Variants in SCN10A observed in about 807,000 individuals in gnomAD.
SCN10A encodes sodium voltage-gated channel alpha subunit 10.
In SCN10A, 162 loss-of-function variants were observed where a neutral mutation model predicts 170.7. That is an observed-to-expected ratio of 0.95 (90% confidence interval 0.84 to 1.08). The LOEUF (loss-of-function observed/expected upper bound fraction) is 1.08, where lower values mean the gene tolerates loss of function less well. SCN10A is among the 50% of genes least tolerant of loss of function. The probability of loss-of-function intolerance (pLI) is 0.00; values close to 1 mark genes in which losing one functional copy is unlikely to be tolerated. For missense variants in SCN10A, 2,527 were observed against 2,436.9 expected, an observed-to-expected ratio of 1.04 and a Z score of -0.78; for synonymous variants, 985 against 904.6, an observed-to-expected ratio of 1.09 and a Z score of -1.59.
intron 7 of SCN10A, 22 bp from the exon 8 acceptor site, chr3:38,760,769 A>C (rs779590735): frequency 6.3e-7 from 1 of 1,597,748 alleles, no homozygotes; most frequent in South Asian, 1.1e-5. Context: ...AAGAAAAGAA[A>C]GCCTCACAGA....
chr3:38,701,976 A>G lies in SCN10A; in HGVS notation c.4520T>C (p.Ile1507Thr). 1.2e-6 allele frequency: 2 copies of G among 1,614,100 alleles called. No homozygotes were observed. The highest frequency in any genetic ancestry group is 1.7e-6 in the Non-Finnish European group (2 of 1,179,994). The change falls in exon 27 of 28, where the codon ATT becomes ACT. Residue 1507 changes from isoleucine (I) to threonine (T), a missense_variant. Coordinates refer to ENST00000449082, the MANE Select transcript of SCN10A (RefSeq NM_006514.4). ...AAAGAACTGGTTGATTTTGCCCAGA[A>G]TTTTCGTCTTTTCTTCACTTTGGTC... Reference protein sequence around the residue: ...TDDQSEEKTKILGKINQFFVA... With the variant: ...TDDQSEEKTKTLGKINQFFVA...
intron 13 of SCN10A, among the ~76,000 whole-genome samples, chr3:38,748,768 G>A (rs964151716): frequency 2.6e-5 from 4 of 152,064 alleles, no homozygotes; most frequent in African/African-American, 7.2e-5. Context: ...TCTAACCTAA[G>A]GTTGACCTAA....
intron 18 of SCN10A, among the ~76,000 whole-genome samples, chr3:38,724,623 AGT>A (rs2063432623): frequency 6.6e-6 from 1 of 152,220 alleles, no homozygotes; most frequent in Non-Finnish European, 1.5e-5. Flanking sequence ...GACAAAAGAA[AGT>A]GGGGGAGAAT....
At chr3:38,803,921 T>C (rs1315081825) in intron 1 of SCN10A, among the ~76,000 whole-genome samples, 14 of 152,146 alleles carry the variant, frequency 9.2e-5, no homozygotes, top group Non-Finnish European at 5.9e-5. Context: ...CTGCTAACCA[T>C]GTAGCCCAAG....
chr3:38,725,117 C>A (rs1473804413), intron 18 of SCN10A, 57 bp downstream of exon 18: 26 of 1,487,440 alleles, frequency 1.7e-5, no homozygotes, highest in Non-Finnish European at 2.4e-5. Context: ...CCTCTACCAG[C>A]CCACTGCTCA....
intron 13 of SCN10A, 63 bp from the exon 14 acceptor site, chr3:38,742,592 G>T: frequency 7.9e-7 from 1 of 1,264,294 alleles, no homozygotes; most frequent in Non-Finnish European, 1.2e-6. Context: ...CCAATTCTGC[G>T]GTCATCCTCT....
chr3:38,760,019 C>T (rs1470743571), intron 8 of SCN10A, among the ~76,000 whole-genome samples: 1 of 152,100 alleles, frequency 6.6e-6, no homozygotes, highest in Non-Finnish European at 1.5e-5. Flanking sequence ...AGTATTGGTT[C>T]CTTCCTGGGG....
chr3:38,793,688 C>A (rs991462190), intron 2 of SCN10A, 53 bp downstream of exon 2: 5 of 1,580,484 alleles, frequency 3.2e-6, no homozygotes, highest in Non-Finnish European at 4.3e-6. Flanking sequence ...TGGGTGGGAC[C>A]GAGACTTCCT....
intron 4 of SCN10A, among the ~76,000 whole-genome samples, chr3:38,785,744 G>T (rs560198805): frequency 1.3e-5 from 2 of 152,130 alleles, no homozygotes; most frequent in African/African-American, 4.8e-5. Flanking sequence ...CTGACAAAGG[G>T]CTAATATCCA....
At chr3:38,716,831 T>C (rs1233893363) in intron 21 of SCN10A, among the ~76,000 whole-genome samples, 1 of 151,904 alleles carries the variant, frequency 6.6e-6, no homozygotes, top group African/African-American at 2.4e-5. Flanking sequence ...CTGGACAGAA[T>C]AGATGAATGG....
At chr3:38,755,215 A>C (rs1333878360) in intron 11 of SCN10A, among the ~76,000 whole-genome samples, 1 of 152,046 alleles carries the variant, frequency 6.6e-6, no homozygotes, top group Non-Finnish European at 1.5e-5. Flanking sequence ...AATTATACCC[A>C]ATAATTATAT....
chr3:38,787,361 T>C (rs1377367367), intron 4 of SCN10A, among the ~76,000 whole-genome samples: 1 of 152,192 alleles, frequency 6.6e-6, no homozygotes, highest in Non-Finnish European at 1.5e-5. Flanking sequence ...GTATGTTAAT[T>C]TGTACCCAGC....
In SCN10A at chr3:38,726,861, C is replaced by T. The variant is rs141861200; in HGVS notation, c.2832G>A (p.Glu944=). Residue 944 remains glutamate, a synonymous_variant, in exon 17 of 28, where the codon GAG becomes GAA. Coordinates refer to ENST00000449082, the MANE Select transcript of SCN10A (RefSeq NM_006514.4). Reference sequence around the variant, plus strand: ...GTGGGAGTTTCACCACCAGCTCAGGCTCTGCCTTGGGCTGGGGGAATGGGC... The same window carrying T: ...GTGGGAGTTTCACCACCAGCTCAGGTTCTGCCTTGGGCTGGGGGAATGGGC... ...RSCPFPQPKA[E]PELVVKLPLS... 1.2e-6 allele frequency: 2 copies of T among 1,614,092 alleles called. No homozygotes were observed. Among genetic ancestry groups the T allele is most frequent in the Non-Finnish European group, 1.7e-6 (2 of 1,180,036 alleles).
rs2064242479 is a variant in SCN10A at position 38,788,836 on chromosome 3, A to G, written c.470+120T>C. Reference sequence around the variant, plus strand: ...TGGTTATTACAAAGACATATAGACAATGAGATTCAGCATTACCCACATGAG... The same window carrying G: ...TGGTTATTACAAAGACATATAGACAGTGAGATTCAGCATTACCCACATGAG... On this transcript the variant is annotated intron_variant, in intron 4 of 27. Transcript: ENST00000449082. The G allele has an allele frequency of 4.5e-6, 3 of 672,198 alleles. No individual in the cohort carries two copies. The South Asian group carries it at 5.4e-5, about 12-fold the overall frequency. The allele number at this position is 672,198 out of a possible 1,614,324, so 41.6% of individuals were successfully genotyped here. A position where few individuals can be genotyped will look rare whatever the true frequency, so the allele number is the denominator to read the frequency against.
chr3:38,757,997 G>A (rs760317521), intron 8 of SCN10A, among the ~76,000 whole-genome samples: 8 of 152,142 alleles, frequency 5.3e-5, no homozygotes, highest in South Asian at 2.1e-4. Flanking sequence ...GCAATGCCTC[G>A]TTTGAAGTCC....
chr3:38,698,139 C>A lies in SCN10A; in HGVS notation c.5081G>T (p.Ser1694Ile). The change falls in exon 28 of 28, where the codon AGC becomes ATC. Residue 1694 changes from serine (S) to isoleucine (I), a missense_variant. Coordinates refer to ENST00000449082, the MANE Select transcript of SCN10A (RefSeq NM_006514.4). The part of the protein sequence containing the change: ...NSNGTRGDCG[S>I]PAVGIIFFTT... ...GAAGAAGATGATGCCTACGGCTGGG[C>A]TCCCACAGTCCCCTCTGGTGCCATT... 6.2e-7 allele frequency: 1 copy of A among 1,614,092 alleles called. No homozygotes were observed. Among genetic ancestry groups the A allele is most frequent in the South Asian group, 1.1e-5 (1 of 91,066 alleles).
At chr3:38,757,537 A>G (rs1413816190) in intron 8 of SCN10A, among the ~76,000 whole-genome samples, 1 of 152,236 alleles carries the variant, frequency 6.6e-6, no homozygotes, top group Non-Finnish European at 1.5e-5. Flanking sequence ...GAGGTCTCAC[A>G]TTAGCCAAGT....
At chr3:38,709,449 G>A in intron 25 of SCN10A, 29 bp downstream of exon 25, 1 of 1,587,572 alleles carries the variant, frequency 6.3e-7, no homozygotes, top group Non-Finnish European at 8.6e-7. Context: ...CACTACAGCA[G>A]AAACCAGAAA....
chr3:38,801,196 T>G (rs1031788385), intron 1 of SCN10A, among the ~76,000 whole-genome samples: 1 of 152,114 alleles, frequency 6.6e-6, no homozygotes, highest in Non-Finnish European at 1.5e-5. Flanking sequence ...ATCTCCTGAG[T>G]GTGTGCTAAT....
Sources: gnomAD v4.1 joint callset for allele counts (sites outside exome capture counted in the v4.1 genomes callset) on GRCh38, gnomAD v4.1.1 for gene constraint, MANE v1.5 for transcripts, NCBI Gene and HGNC (gene_info 2026-07-23, HGNC 2026-07-21) for gene names.